Variants in COA1 observed in about 807,000 individuals in gnomAD.
The protein encoded by COA1 is cytochrome c oxidase assembly factor 1.
COA1 carries 13 observed loss-of-function variants against 16.0 expected under a neutral mutation model. The observed-to-expected ratio is 0.81, with a 90% confidence interval of 0.53 to 1.29. The LOEUF is 1.29. Ranked by LOEUF, COA1 falls within the 50% of genes most tolerant of loss-of-function variation. COA1 has a pLI of 0.00. For missense variants in COA1, 179 were observed against 177.0 expected (o/e 1.01, Z -0.06); for synonymous variants, 65 against 65.7 (o/e 0.99, Z 0.05).
At chr7:43,660,861 A>G (rs1446670671) in intron 1 of COA1, among the ~76,000 whole-genome samples, 1 of 152,204 alleles carries the variant, frequency 6.6e-6, no homozygotes, top group East Asian at 1.9e-4. Flanking sequence ...AACTGATTGT[A>G]TCCCATTCTT....
rs2086521254 is a variant in COA1 at position 43,639,487 on chromosome 7, G to GTGTC, written c.*91_*94dup. The GTGTC allele has an allele frequency of 3.2e-6, 3 of 939,084 alleles. No homozygotes were observed. The highest frequency in any genetic ancestry group is 5.1e-6 in the Non-Finnish European group (3 of 585,978). The allele number at this position is 939,084 out of a possible 1,614,324, so 58.2% of individuals were successfully genotyped here. ...GTGGCTGGAAAACTGGGTTGCAGGA[G>GTGTC]TGTCTGTCACTGAGATGGGCCACCA... On this transcript the variant is annotated 3_prime_UTR_variant, in exon 6 of 6. Transcript: ENST00000223336.
chr7:43,719,867 G>A (rs987499837), intron 1 of COA1, among the ~76,000 whole-genome samples: 1 of 152,178 alleles, frequency 6.6e-6, no homozygotes, highest in South Asian at 2.1e-4. Context: ...CAGTGAACAA[G>A]GGGAAACTGG....
At chr7:43,700,990 T>C (rs1485371306) in intron 1 of COA1, among the ~76,000 whole-genome samples, 1 of 149,832 alleles carries the variant, frequency 6.7e-6, no homozygotes, top group Non-Finnish European at 1.5e-5. Context: ...AAGCAAGCTA[T>C]AAACAAAACC....
At chr7:43,709,027 C>CTT (rs538423823) in intron 1 of COA1, among the ~76,000 whole-genome samples, 37 of 143,314 alleles carry the variant, frequency 2.6e-4, no homozygotes, top group Non-Finnish European at 4.6e-4. Context: ...CTCCTATAAT[C>CTT]TTTTTTTTTT....
At chr7:43,648,005 G>C (rs2089895577) in intron 2 of COA1, 2 of 229,302 alleles carry the variant, frequency 8.7e-6, no homozygotes, top group Admixed American at 1.0e-4. Flanking sequence ...TGGTAAACAG[G>C]AAGCTTATCC....
intron 1 of COA1, among the ~76,000 whole-genome samples, chr7:43,680,130 T>G (rs1294817343): frequency 2.0e-5 from 3 of 152,132 alleles, no homozygotes; most frequent in Non-Finnish European, 4.4e-5. Context: ...TCTGCATCAG[T>G]AAAGTCAAAT....
intron 1 of COA1, among the ~76,000 whole-genome samples, chr7:43,708,835 T>C (rs1384706319): frequency 1.3e-5 from 2 of 152,134 alleles, no homozygotes; most frequent in Non-Finnish European, 2.9e-5. Flanking sequence ...TGTCACAGAG[T>C]TGCAACCATC....
intron 1 of COA1, among the ~76,000 whole-genome samples, chr7:43,666,512 T>C (rs1700252559): frequency 6.6e-6 from 1 of 152,212 alleles, no homozygotes; most frequent in Non-Finnish European, 1.5e-5. Flanking sequence ...GTAATGTCTA[T>C]AAAAAGAGCT....
In COA1 at chr7:43,681,282, G is replaced by C. The variant is rs143900586; in HGVS notation, c.-38-32630C>G. Among the ~76,000 whole-genome samples, 98 of 152,218 alleles carry C rather than the reference G, an allele frequency of 6.4e-4. 1 individual carries two copies. The highest frequency in any genetic ancestry group is 2.2e-3 in the African/African-American group (90 of 41,556). On this transcript the variant is annotated intron_variant, in intron 1 of 5. Transcript: ENST00000223336. Reference sequence around the variant, plus strand: ...ATTGCATTTTTAGATTGTTGTCACTGTTTTCTTTTGGTCATCTTTATTCCA... The same window carrying C: ...ATTGCATTTTTAGATTGTTGTCACTCTTTTCTTTTGGTCATCTTTATTCCA...
chr7:43,689,017 GTC>G (rs1311487760), intron 1 of COA1, among the ~76,000 whole-genome samples: 1 of 152,194 alleles, frequency 6.6e-6, no homozygotes, highest in Non-Finnish European at 1.5e-5. Flanking sequence ...TTGGCTCACA[GTC>G]TGTGTTATTT....
At chr7:43,728,939 C>T (rs983556294) in intron 1 of COA1, among the ~76,000 whole-genome samples, 1 of 152,208 alleles carries the variant, frequency 6.6e-6, no homozygotes, top group Non-Finnish European at 1.5e-5. Context: ...GTCCCCTACA[C>T]AGAAAATCAC....
chr7:43,624,609 G>C, intron 6 of COA1: 1 of 1,614,108 alleles, frequency 6.2e-7, no homozygotes, highest in Middle Eastern at 1.6e-4. Flanking sequence ...AAAGGCACTA[G>C]AAGAAGCAAA....
In COA1 at chr7:43,691,265, A is replaced by AAAAGAAAAG. The variant is rs1554541882; in HGVS notation, c.-39+38163_-39+38164insCTTTTCTTT. ...CCTTGACTCAAAAAAAGAAAGAAAG[A>AAAAGAAAAG]AAAGAAAGAAAGAAAGAAAGAAAGA... On this transcript the variant is annotated intron_variant, in intron 1 of 5. Coordinates refer to ENST00000223336, the MANE Select transcript of COA1 (RefSeq NM_018224.4). Among the ~76,000 whole-genome samples the AAAAGAAAAG allele has an allele frequency of 5.0e-4, 23 of 45,930 alleles. 2 individuals carry two copies. Among genetic ancestry groups the AAAAGAAAAG allele is most frequent in the East Asian group, 2.8e-3 (4 of 1,414 alleles). 30.1% of individuals were successfully genotyped at this position (45,930 alleles called of 152,430 possible). A position where few individuals can be genotyped will look rare whatever the true frequency, so the allele number is the denominator to read the frequency against.
intron 6 of COA1, among the ~76,000 whole-genome samples, chr7:43,612,760 C>G (rs2082989169): frequency 6.6e-6 from 1 of 151,614 alleles, no homozygotes; most frequent in Admixed American, 6.6e-5. Flanking sequence ...AAGACTGATT[C>G]ACTGAAGACT....
At chr7:43,710,394 A>T (rs868029285) in intron 1 of COA1, among the ~76,000 whole-genome samples, 79 of 135,306 alleles carry the variant, frequency 5.8e-4, no homozygotes, top group African/African-American at 1.7e-3. Flanking sequence ...ATATATATAT[A>T]TTTTTAAGAT....
intron 1 of COA1, among the ~76,000 whole-genome samples, chr7:43,682,128 TA>T (rs748664623): frequency 3.9e-5 from 6 of 152,230 alleles, no homozygotes; most frequent in Non-Finnish European, 7.3e-5. Context: ...TCATTCATGG[TA>T]ACCCATGTCT....
At chr7:43,691,323 A>AG (rs2094307253) in intron 1 of COA1, among the ~76,000 whole-genome samples, 1 of 102,526 alleles carries the variant, frequency 9.8e-6, no homozygotes, top group Non-Finnish European at 2.1e-5. Flanking sequence ...GAAAGAAAGA[A>AG]AGAAAGAGAA....
chr7:43,638,841 T>G (rs1267486627), downstream of COA1: 1 of 152,296 alleles, frequency 6.6e-6, no homozygotes, highest in African/African-American at 2.4e-5. Context: ...CCTCCCAAAT[T>G]GCTGGGATTA....
chr7:43,657,056 A>T (rs529475263), intron 1 of COA1, among the ~76,000 whole-genome samples: 109 of 152,284 alleles, frequency 7.2e-4, no homozygotes, highest in African/African-American at 2.3e-3. Context: ...AATATAAAAT[A>T]AAAATTAAAA....
Sources: gnomAD v4.1 joint callset for allele counts (sites outside exome capture counted in the v4.1 genomes callset) on GRCh38, gnomAD v4.1.1 for gene constraint, MANE v1.5 for transcripts, NCBI Gene and HGNC (gene_info 2026-07-23, HGNC 2026-07-21) for gene names.